The following MARCHF10 variants were observed in gnomAD, a reference collection of about 807,000 sequenced individuals.
MARCHF10 encodes the protein membrane associated ring-CH-type finger 10, also known as probable E3 ubiquitin-protein ligase MARCHF10.
In MARCHF10, 64 loss-of-function variants were observed where a neutral mutation model predicts 76.2. The ratio of observed to expected loss-of-function variants is 0.84; its 90% confidence interval spans 0.69 to 1.03. The LOEUF is 1.03. Among genes scored for constraint, MARCHF10 ranks in the 50% least tolerant of loss-of-function variants. MARCHF10 has a pLI of 0.00. For missense variants in MARCHF10, 875 were observed against 958.0 expected (o/e 0.91, Z 1.14); for synonymous variants, 340 against 357.5 (o/e 0.95, Z 0.55).
chr17:62,748,678 G>A (rs997182929), intron 4 of MARCHF10, among the ~76,000 whole-genome samples: 11 of 152,138 alleles, frequency 7.2e-5, no homozygotes, highest in Admixed American at 6.5e-4. Flanking sequence ...CCAGGAGGTC[G>A]AGGCTGCAGT....
chr17:62,724,997 C>G lies in MARCHF10; in HGVS notation c.2045G>C (p.Ser682Thr), dbSNP rs745355408. Residue 682 changes from serine (S) to threonine (T), a missense_variant, in exon 7 of 11, where the codon AGC (serine) becomes ACC (threonine). By Grantham distance (58) the Ser-to-Thr change is moderately conservative. Coordinates refer to ENST00000311269, the MANE Select transcript of MARCHF10 (RefSeq NM_152598.4). ...PLLEPCGCVG[S>T]LQFVHQECLK... ...GCACTCTTGATGAACAAACTGCAGG[C>G]TTCCCACACAGCCGCAAGGCTCCAG... is the stretch of plus-strand genomic sequence containing the variant. 6.2e-7 allele frequency: 1 copy of G among 1,611,696 alleles called. No individual in the cohort carries two copies. Among genetic ancestry groups the G allele is most frequent in the Admixed American group, 1.7e-5 (1 of 59,448 alleles).
chr17:62,770,203 TC>T (rs1406648937), intron 3 of MARCHF10, among the ~76,000 whole-genome samples: 3 of 152,252 alleles, frequency 2.0e-5, no homozygotes, highest in Non-Finnish European at 4.4e-5. Flanking sequence ...ATGGTTTCTT[TC>T]TTTTTTATGA....
At chr17:62,751,795 C>T (rs1390810849) in intron 4 of MARCHF10, among the ~76,000 whole-genome samples, 1 of 152,038 alleles carries the variant, frequency 6.6e-6, no homozygotes, top group African/African-American at 2.4e-5. Flanking sequence ...CCGAAGCAGG[C>T]GGATTACTTG....
At chr17:62,806,888 A>T (rs2093172667) in intron 1 of MARCHF10, among the ~76,000 whole-genome samples, 1 of 152,236 alleles carries the variant, frequency 6.6e-6, no homozygotes, top group Non-Finnish European at 1.5e-5. Context: ...CCTGTTCTTA[A>T]TAACAATCAA....
At chr17:62,723,297 T>C (rs1262924852) in intron 7 of MARCHF10, among the ~76,000 whole-genome samples, 2 of 151,312 alleles carry the variant, frequency 1.3e-5, no homozygotes, top group Non-Finnish European at 2.9e-5. Context: ...TGGGCTGTTA[T>C]GTCTAAGCAA....
At chr17:62,757,173 T>G (rs931935979) in intron 4 of MARCHF10, among the ~76,000 whole-genome samples, 59 of 152,346 alleles carry the variant, frequency 3.9e-4, no homozygotes, top group African/African-American at 1.3e-3. Context: ...CAGGAAGTTA[T>G]ACCAGATTCT....
intron 10 of MARCHF10, among the ~76,000 whole-genome samples, chr17:62,702,972 C>T (rs1007674795): frequency 2.0e-5 from 3 of 152,204 alleles, no homozygotes; most frequent in African/African-American, 4.8e-5. Flanking sequence ...TGCATATCTG[C>T]AGGAGGTATT....
rs1471296678 is a variant in MARCHF10, at chr17:62,701,604, C to T, written c.*99G>A. On this transcript the variant is annotated 3_prime_UTR_variant, in exon 11 of 11. Coordinates refer to ENST00000311269, the MANE Select transcript of MARCHF10 (RefSeq NM_152598.4). ...AATCTAACTGTGAACGCTTTGGTTT[C>T]AGTTTCAGTAAAGAGGAGGAGGGAG... is the stretch of plus-strand genomic sequence containing the variant. The T allele has an allele frequency of 6.2e-7, 1 of 1,603,266 alleles. No homozygotes were observed. Among genetic ancestry groups the T allele is most frequent in the Non-Finnish European group, 8.5e-7 (1 of 1,176,508 alleles).
chr17:62,735,328 A>C (rs2091214013), intron 6 of MARCHF10: 1 of 152,356 alleles, frequency 6.6e-6, no homozygotes, highest in African/African-American at 2.4e-5. Context: ...CTCACAAAAA[A>C]GGAAAGATCA....
chr17:62,732,314 A>G (rs2091056625), intron 6 of MARCHF10, among the ~76,000 whole-genome samples: 1 of 152,228 alleles, frequency 6.6e-6, no homozygotes, highest in African/African-American at 2.4e-5. Flanking sequence ...GGAGGCTTAC[A>G]TCATCGCATA....
chr17:62,790,238 C>T lies in MARCHF10; in HGVS notation c.91-1639G>A, dbSNP rs187186094. On this transcript the variant is annotated intron_variant, in intron 2 of 10. Transcript: ENST00000311269. ...TCACCCAGGCTGCAGTGCAGTGGCA[C>T]GATCTTGGCTCACTGCAACCTCCAC... is the stretch of plus-strand genomic sequence containing the variant. Among the ~76,000 whole-genome samples the T allele has an allele frequency of 2.3e-4, 35 of 152,110 alleles. 1 individual carries two copies. In the East Asian group the frequency reaches 5.3e-3, roughly 23 times the overall value.
intron 2 of MARCHF10, among the ~76,000 whole-genome samples, chr17:62,795,356 CAAA>C (rs61564298): frequency 1.9e-3 from 102 of 52,944 alleles, no homozygotes; most frequent in East Asian, 6.6e-3. Flanking sequence ...ATCATTTGAT[CAAA>C]AAAAAAAAAA....
chr17:62,802,440 G>A (rs780224243), intron 1 of MARCHF10, among the ~76,000 whole-genome samples: 5 of 152,012 alleles, frequency 3.3e-5, no homozygotes, highest in Non-Finnish European at 5.9e-5. Flanking sequence ...GGCTGGTCTC[G>A]AGTTCCTGAC....
intron 1 of MARCHF10, among the ~76,000 whole-genome samples, chr17:62,802,145 G>A (rs956292244): frequency 2.0e-5 from 3 of 152,152 alleles, no homozygotes; most frequent in African/African-American, 7.2e-5. Flanking sequence ...TGATTGCACC[G>A]TTATTTCCAT....
chr17:62,756,001 T>C (rs1483856306), intron 4 of MARCHF10, among the ~76,000 whole-genome samples: 1 of 151,706 alleles, frequency 6.6e-6, no homozygotes, highest in Non-Finnish European at 1.5e-5. Context: ...GTAACCCCAG[T>C]ACTCTGGGAG....
Position 62,712,733 on chromosome 17 carries a change from A to G in MARCHF10, c.2215-1389T>C, listed in dbSNP as rs1427131704. On this transcript the variant is annotated intron_variant, in intron 8 of 10. Transcript: ENST00000311269. The surrounding 1 kb of genome is among the most constrained non-coding windows in gnomAD (Gnocchi z 4.2). Reference sequence around the variant, plus strand: ...AGTAGAGAAGAAGTTGCTTGTTTGCATTATTTCTGTTTTATTTATTTAATT... The same window carrying G: ...AGTAGAGAAGAAGTTGCTTGTTTGCGTTATTTCTGTTTTATTTATTTAATT... Among the ~76,000 whole-genome samples, 1 of 152,048 alleles carries G rather than the reference A, an allele frequency of 6.6e-6. No individual in the cohort carries two copies. The highest frequency in any genetic ancestry group is 1.5e-5 in the Non-Finnish European group (1 of 67,998).
intron 5 of MARCHF10, 45 bp downstream of exon 5, chr17:62,744,331 G>T (rs1375502395): frequency 6.3e-7 from 1 of 1,580,450 alleles, no homozygotes; most frequent in Non-Finnish European, 8.6e-7. Flanking sequence ...GCAAAAATCA[G>T]TCCTCCTCTC....
chr17:62,742,775 T>A (rs1033925673), intron 5 of MARCHF10, among the ~76,000 whole-genome samples: 3 of 151,812 alleles, frequency 2.0e-5, no homozygotes, highest in African/African-American at 7.3e-5. Flanking sequence ...CACAGTGCAC[T>A]GCAGCCTCGA....
At chr17:62,807,202 G>A (rs1259493647) in intron 1 of MARCHF10, among the ~76,000 whole-genome samples, 1 of 152,096 alleles carries the variant, frequency 6.6e-6, no homozygotes, top group South Asian at 2.1e-4. Context: ...AAAAAACTTT[G>A]CATTTTAAAG....
Sources: gnomAD v4.1 joint callset for allele counts (sites outside exome capture counted in the v4.1 genomes callset) on GRCh38, gnomAD v4.1.1 for gene constraint, Gnocchi (gnomAD v3.1) non-coding constraint, MANE v1.5 for transcripts, NCBI Gene and HGNC (gene_info 2026-07-23, HGNC 2026-07-21) for gene names.